TRIP13: variants seen among roughly 807,000 people sequenced by gnomAD.
The protein encoded by TRIP13 is thyroid hormone receptor interactor 13.
Under a neutral mutation model 54.4 loss-of-function variants are expected in TRIP13, and 25 were observed. The observed-to-expected ratio is 0.46, with a 90% CI of 0.33 to 0.64. The LOEUF is 0.64. TRIP13 is among the 30% of genes least tolerant of loss of function. The pLI, the probability that TRIP13 is intolerant of heterozygous loss-of-function variation, is 0.02. For synonymous variants in TRIP13, 207 were observed against 207.8 expected, an observed-to-expected ratio of 1.00 and a Z score of 0.03; for missense variants, 373 against 534.2, an observed-to-expected ratio of 0.70 and a Z score of 2.97.
chr5:901,911 CCG>C (rs969952136), intron 5 of TRIP13, among the ~76,000 whole-genome samples: 12 of 152,244 alleles, frequency 7.9e-5, no homozygotes, highest in Non-Finnish European at 1.3e-4. Flanking sequence ...GCTTGAGCCA[CCG>C]CGCGCGGCCC....
rs1056486210 is a variant in TRIP13, at chr5:916,416, G to A, written c.1203+443G>A. Reference sequence around the variant, plus strand: ...CTGCACTGTCCCCAGCAGCCGGTTGGGGTAAGGACTCAGTGTCTGGCAGAG... The same window carrying A: ...CTGCACTGTCCCCAGCAGCCGGTTGAGGTAAGGACTCAGTGTCTGGCAGAG... On this transcript the variant is annotated intron_variant, in intron 12 of 12. Coordinates refer to ENST00000166345, the MANE Select transcript of TRIP13 (RefSeq NM_004237.4). Among the ~76,000 whole-genome samples the A allele has an allele frequency of 1.3e-5, 2 of 152,194 alleles. 1 individual carries two copies. The highest frequency in any genetic ancestry group is 4.1e-4 in the South Asian group (2 of 4,822).
rs1258056514 is a variant in TRIP13 at position 910,028 on chromosome 5, T to C, written c.866+1567T>C. Among the ~76,000 whole-genome samples, 8 of 152,232 alleles carry C rather than the reference T, an allele frequency of 5.3e-5. No homozygotes were observed. The East Asian group carries it at 7.7e-4, about 15-fold the overall frequency. ...TTTGGGGCCAGTTTATGGCCAGATT[T>C]TGGGGGGCTTGTCCCCAACAAGTGT... On this transcript the variant is annotated intron_variant, in intron 9 of 12. Transcript: ENST00000166345.
Position 915,334 on chromosome 5 carries a change from T to G in TRIP13, c.1134-570T>G, listed in dbSNP as rs1158003121. On this transcript the variant is annotated intron_variant, in intron 11 of 12. Transcript: ENST00000166345. The surrounding 1 kb of genome is among the most constrained non-coding windows in gnomAD (Gnocchi z 4.2). ...CCGCTGCATCGTGCCTTACGCCTGG[T>G]GCTCCCAGGCAGGTGATGCCTTCCC... Among the ~76,000 whole-genome samples, 2 of 152,188 alleles carry G rather than the reference T, an allele frequency of 1.3e-5. No homozygotes were observed. Among genetic ancestry groups the G allele is most frequent in the African/African-American group, 4.8e-5 (2 of 41,448 alleles).
At position 915,767 on chromosome 5, in the gene TRIP13, A is replaced by C. The variant is rs1754328859; in HGVS notation, c.1134-137A>C. On this transcript the variant is annotated intron_variant, in intron 11 of 12. Transcript: ENST00000166345. The surrounding 1 kb of genome is among the most constrained non-coding windows in gnomAD (Gnocchi z 4.2). ...CTCAGGAGACCAGTGAGGGGCAGGA[A>C]GTGCCCTGTGAACCCAGGGTGTGCT... 3.6e-6 allele frequency: 3 copies of C among 822,230 alleles called. No homozygotes were observed. The highest frequency in any genetic ancestry group is 6.2e-6 in the Non-Finnish European group (3 of 482,562). 50.9% of individuals were successfully genotyped at this position (822,230 alleles called of 1,614,324 possible).
Position 907,134 on chromosome 5 carries a change from C to A in TRIP13, c.613C>A (p.Arg205=). Residue 205 remains arginine, a synonymous_variant, in exon 7 of 13, where the codon CGA becomes AGA. Coordinates refer to ENST00000166345, the MANE Select transcript of TRIP13 (RefSeq NM_004237.4). This position sits in a 1 kb window ranked among gnomAD's most constrained non-coding sequence, Gnocchi z 4.1. ...KLTIRLSSRY[R]YGQLIEINSH... is the part of the protein sequence containing the mutation. ...AACTCCTTTTTTCTATCTCAGGTAC[C>A]GATATGGCCAATTAATTGAAATAAA... is the stretch of plus-strand genomic sequence containing the variant. 5 of 1,613,940 alleles carry A rather than the reference C, an allele frequency of 3.1e-6. No individual in the cohort carries two copies. Among genetic ancestry groups the A allele is most frequent in the Non-Finnish European group, 4.2e-6 (5 of 1,179,878 alleles).
In TRIP13 at chr5:907,993, C is replaced by G. The variant is rs1378346790; in HGVS notation, c.678C>G (p.Gly226=). Residue 226 remains glycine, a synonymous_variant, in exon 8 of 13, where the codon GGC becomes GGG. Coordinates refer to ENST00000166345, the MANE Select transcript of TRIP13 (RefSeq NM_004237.4). This position sits in a 1 kb window ranked among gnomAD's most constrained non-coding sequence, Gnocchi z 4.1. ...AAAGGGTGTTTGGGTTCCAGAGTGG[C>G]AAGCTGGTAACCAAGATGTTTCAGA... The part of the protein sequence containing the change: ...SLFSKWFSES[G]KLVTKMFQKI... 2.5e-6 allele frequency: 4 copies of G among 1,614,194 alleles called. No individual in the cohort carries two copies. The South Asian group carries it at 4.4e-5, about 18-fold the overall frequency.
At position 912,723 on chromosome 5, in the gene TRIP13, G is replaced by A. The variant is rs181579265; in HGVS notation, c.1020+727G>A. 8.5e-5 allele frequency among the ~76,000 whole-genome samples: 13 copies of A among 152,136 alleles called. No individual in the cohort carries two copies. In the East Asian group the frequency reaches 1.5e-3, roughly 18 times the overall value. ...TGAGTGTGCGTGAGTCTGGAACGCC[G>A]TCGCCATGGGCAGTGACGCTGCGGT... On this transcript the variant is annotated intron_variant, in intron 10 of 12. Transcript: ENST00000166345. This position sits in a 1 kb window ranked among gnomAD's most constrained non-coding sequence, Gnocchi z 7.2.
Position 911,981 on chromosome 5 carries a change from G to C in TRIP13, c.1005G>C (p.Leu335Phe). Reference sequence around the variant, plus strand: ...TCTTCAAAATCTACCTCTCTTGTTTGGAAGAACTGATGAAGGTACCTTTAT... The same window carrying C: ...TCTTCAAAATCTACCTCTCTTGTTTCGAAGAACTGATGAAGGTACCTTTAT... ...AAIFKIYLSC[L>F]EELMKCQIIY... Residue 335 changes from leucine to phenylalanine, a missense_variant, in exon 10 of 13, where the codon TTG (leucine) becomes TTC (phenylalanine). Leu to Phe is a conservative substitution (Grantham distance 22, BLOSUM62 0). Around this residue, in one of 4 missense-constraint regions of TRIP13, gnomAD observed 101 missense variants for 138.5 expected, o/e 0.73. Coordinates refer to ENST00000166345, the MANE Select transcript of TRIP13 (RefSeq NM_004237.4). The surrounding 1 kb of genome is among the most constrained non-coding windows in gnomAD (Gnocchi z 4.7). The C allele has an allele frequency of 6.2e-7, 1 of 1,609,328 alleles. No homozygotes were observed. Among genetic ancestry groups the C allele is most frequent in the Non-Finnish European group, 8.5e-7 (1 of 1,178,750 alleles).
intron 12 of TRIP13, among the ~76,000 whole-genome samples, chr5:916,544 T>G (rs1371138173): frequency 6.6e-6 from 1 of 152,250 alleles, no homozygotes; most frequent in African/African-American, 2.4e-5. Flanking sequence ...GCCTCTGTGC[T>G]GGACACAGTG....
chr5:913,057 T>G lies in TRIP13; in HGVS notation c.1020+1061T>G, dbSNP rs974432956. ...TGCCCGGGTCAGCACTGTCCAGGCA[T>G]GGTTTTCTTGGGGGTTGGGGAAAGG... On this transcript the variant is annotated intron_variant, in intron 10 of 12. Coordinates refer to ENST00000166345, the MANE Select transcript of TRIP13 (RefSeq NM_004237.4). The surrounding 1 kb of genome is among the most constrained non-coding windows in gnomAD (Gnocchi z 4.5). 2.6e-5 allele frequency among the ~76,000 whole-genome samples: 4 copies of G among 152,044 alleles called. No homozygotes were observed. Among genetic ancestry groups the G allele is most frequent in the Non-Finnish European group, 5.9e-5 (4 of 68,002 alleles).
At position 893,037 on chromosome 5, in the gene TRIP13, C is replaced by T; in HGVS notation, c.39C>T (p.Pro13=). The T allele has an allele frequency of 6.3e-7, 1 of 1,597,134 alleles. No homozygotes were observed. The highest frequency in any genetic ancestry group is 8.5e-7 in the Non-Finnish European group (1 of 1,175,676). The change falls in exon 1 of 13, where the codon CCC becomes CCT. Residue 13 remains proline (P), a synonymous_variant. Transcript: ENST00000166345. ...TGGGCGACCTGAAGCAGGCGCTTCC[C>T]TGTGTGGCCGAGTCGCCAACGGTCC... ...EAVGDLKQAL[P]CVAESPTVHV... is the part of the protein sequence containing the mutation.
At chr5:896,229 A>G (rs1001143071) in intron 2 of TRIP13, among the ~76,000 whole-genome samples, 16 of 152,204 alleles carry the variant, frequency 1.1e-4, no homozygotes, top group African/African-American at 3.9e-4. Context: ...TGGGAGGATC[A>G]CTTGAGTCCA....
intron 5 of TRIP13, among the ~76,000 whole-genome samples, chr5:902,941 G>A (rs13187958): frequency 0.044 from 6,648 of 152,278 alleles, 244 homozygotes; most frequent in Non-Finnish European, 0.061. Context: ...GAGACTTTTA[G>A]TACTTTCACT....
chr5:915,730 C>CA lies in TRIP13; in HGVS notation c.1134-173dup, dbSNP rs1181395706. Among the ~76,000 whole-genome samples, 4 of 152,174 alleles carry CA rather than the reference C, an allele frequency of 2.6e-5. No homozygotes were observed. The highest frequency in any genetic ancestry group is 3.2e-3 in the Middle Eastern group (1 of 316). On this transcript the variant is annotated intron_variant, in intron 11 of 12. Transcript: ENST00000166345. This position sits in a 1 kb window ranked among gnomAD's most constrained non-coding sequence, Gnocchi z 4.2. ...GAGAGGCCGGGGGCAAAGAGACATTCAGAGGGCAAGGCTCAGGAGACCAGT... is the reference window on the plus strand; with the variant it reads ...GAGAGGCCGGGGGCAAAGAGACATTCAAGAGGGCAAGGCTCAGGAGACCAGT...
Position 912,858 on chromosome 5 carries a change from T to C in TRIP13, c.1020+862T>C, listed in dbSNP as rs1465503622. On this transcript the variant is annotated intron_variant, in intron 10 of 12. Transcript: ENST00000166345. The surrounding 1 kb of genome is among the most constrained non-coding windows in gnomAD (Gnocchi z 7.2). ...AAATCATCCTGCAGGGGCCTTTGTT[T>C]AGGGTAGTTGGGCGGTAACCAAGCA... Among the ~76,000 whole-genome samples the C allele has an allele frequency of 6.6e-6, 1 of 152,174 alleles. No homozygotes were observed. Among genetic ancestry groups the C allele is most frequent in the Non-Finnish European group, 1.5e-5 (1 of 68,024 alleles).
Position 914,570 on chromosome 5 carries a change from AT to A in TRIP13, c.1129del (p.Ser377GlnfsTer12). ...AAAATTGAGCCTTCTTTTGAATGAC[AT>A]TTCAAGGTGCAAATTGACCTCATTT... ...VSKLSLLLND[I>X]SRKSEGLSGR... On this transcript the variant is annotated frameshift_variant, in exon 11 of 13. Transcript: ENST00000166345. LOFTEE classifies it high-confidence loss of function. The A allele has an allele frequency of 6.2e-7, 1 of 1,611,560 alleles. No individual in the cohort carries two copies. Among genetic ancestry groups the A allele is most frequent in the Non-Finnish European group, 8.5e-7 (1 of 1,178,338 alleles).
chr5:906,838 T>TTA (rs1189267742), intron 6 of TRIP13, among the ~76,000 whole-genome samples: 11 of 152,240 alleles, frequency 7.2e-5, no homozygotes, highest in Non-Finnish European at 1.5e-5. Context: ...CTGTCTTATG[T>TTA]TAGTACTGCT....
Position 912,484 on chromosome 5 carries a change from C to T in TRIP13, c.1020+488C>T, listed in dbSNP as rs540790037. ...AGGAACACTGTTGCCGTGGGCAGAG[C>T]GACGCGTGCGGGTTGTGTGTGTGAG... On this transcript the variant is annotated intron_variant, in intron 10 of 12. Coordinates refer to ENST00000166345, the MANE Select transcript of TRIP13 (RefSeq NM_004237.4). The surrounding 1 kb of genome is among the most constrained non-coding windows in gnomAD (Gnocchi z 7.2). 4.0e-5 allele frequency among the ~76,000 whole-genome samples: 6 copies of T among 151,822 alleles called. 1 individual carries two copies. The East Asian group carries it at 5.8e-4, about 15-fold the overall frequency.
At chr5:909,895 GGCCAGGTGTCCC>G (rs558755460) in intron 9 of TRIP13, among the ~76,000 whole-genome samples, 49 of 152,358 alleles carry the variant, frequency 3.2e-4, no homozygotes, top group African/African-American at 1.2e-3. Flanking sequence ...ACCCTGGGCG[GGCCAGGTGTCCC>G]TTGCCCTCAT....
Sources: gnomAD v4.1 joint callset for allele counts (sites outside exome capture counted in the v4.1 genomes callset) on GRCh38, gnomAD v4.1.1 for gene constraint, gnomAD v4.1.1 regional missense constraint, Gnocchi (gnomAD v3.1) non-coding constraint, MANE v1.5 for transcripts, NCBI Gene and HGNC (gene_info 2026-07-23, HGNC 2026-07-21) for gene names.